LUC7L2: variants seen among roughly 807,000 people sequenced by gnomAD.
LUC7L2 encodes the protein putative RNA-binding protein Luc7-like 2.
LUC7L2 carries 25 observed loss-of-function variants against 52.8 expected under a neutral mutation model. The ratio of observed to expected loss-of-function variants is 0.47; its 90% confidence interval spans 0.34 to 0.66. LUC7L2 has a LOEUF of 0.66. LUC7L2 is among the 30% of genes least tolerant of loss of function. The pLI is 0.01. For missense variants in LUC7L2, 328 were observed against 497.8 expected (o/e 0.66, Z 3.25); for synonymous variants, 144 against 160.9 (o/e 0.89, Z 0.80).
At chr7:139,379,549 CTTTTTTTTTTTTTTTTTTT>C (rs539771697) in intron 2 of LUC7L2, among the ~76,000 whole-genome samples, 37 of 52,720 alleles carry the variant, frequency 7.0e-4, no homozygotes, top group African/African-American at 1.7e-3. Flanking sequence ...ATAACTAATG[CTTTTTTTTTTTTTTTTTTT>C]TTTTTTTTTT....
At position 139,359,962 on chromosome 7, in the gene LUC7L2, G is replaced by C; in HGVS notation, c.-300G>C. On this transcript the variant is annotated 5_prime_UTR_variant, in exon 1 of 10. Transcript: ENST00000354926. ...GAGGGGGGGTTGACGGCTTCTGGCG[G>C]GTGGCGGTGTTGAAGGCGAGAGCTT... is the stretch of plus-strand genomic sequence containing the variant. 2.3e-6 allele frequency: 1 copy of C among 426,840 alleles called. No homozygotes were observed. The highest frequency in any genetic ancestry group is 4.1e-6 in the Non-Finnish European group (1 of 241,014). 26.4% of individuals were successfully genotyped at this position (426,840 alleles called of 1,614,324 possible).
At chr7:139,361,890 A>G (rs1259229028) in intron 1 of LUC7L2, among the ~76,000 whole-genome samples, 3 of 152,190 alleles carry the variant, frequency 2.0e-5, no homozygotes, top group Non-Finnish European at 4.4e-5. Context: ...CTTGATGGAT[A>G]CCATTTTTGG....
intron 7 of LUC7L2, among the ~76,000 whole-genome samples, chr7:139,411,606 A>G (rs567958324): frequency 6.6e-6 from 1 of 152,284 alleles, no homozygotes; most frequent in African/African-American, 2.4e-5. Flanking sequence ...CATGCTTTCA[A>G]CAATGCTATA....
intron 2 of LUC7L2, among the ~76,000 whole-genome samples, chr7:139,378,599 A>G (rs1569374897): frequency 6.6e-6 from 1 of 152,298 alleles, no homozygotes; most frequent in East Asian, 1.9e-4. Context: ...AGAAAAATCA[A>G]CAGTTACAAT....
chr7:139,409,566 G>C lies in LUC7L2; in HGVS notation c.691G>C (p.Val231Leu), dbSNP rs1485459349. Residue 231 changes from valine (V) to leucine (L), a missense_variant, in exon 7 of 10, where the codon GTC becomes CTC. Val to Leu is a conservative substitution (Grantham distance 32). Around this residue, in one of 2 missense-constraint regions of LUC7L2, gnomAD observed 195 missense variants for 223.3 expected, o/e 0.87. Transcript: ENST00000354926. ...IREKLEELKR[V>L]VAEKQEKRNQ... ...CTCATTTATTACTGTTTTTAAGAGA[G>C]TCGTAGCTGAGAAGCAGGAGAAAAG... 3.7e-6 allele frequency: 6 copies of C among 1,607,708 alleles called. No individual in the cohort carries two copies. The highest frequency in any genetic ancestry group is 4.2e-6 in the Non-Finnish European group (5 of 1,176,730).
intron 1 of LUC7L2, among the ~76,000 whole-genome samples, chr7:139,350,956 G>A (rs565877024): frequency 2.0e-3 from 300 of 152,252 alleles, no homozygotes; most frequent in Non-Finnish European, 2.9e-3. Flanking sequence ...TTACAGGTGT[G>A]AGCCACTGCG....
Position 139,346,648 on chromosome 7 carries a change from ACT to A in LUC7L2, c.-26+6136_-26+6137del, listed in dbSNP as rs1215833500. On this transcript the variant is annotated intron_variant, in intron 1 of 10. Coordinates refer to the LUC7L2 transcript ENST00000541170. ...CCTGAACCAGAATAGGTTACGAGAGACTCTCTACTAGAGAGTTCTAACCTCCC... is the reference window on the plus strand; with the variant it reads ...CCTGAACCAGAATAGGTTACGAGAGACTCTACTAGAGAGTTCTAACCTCCC... Among the ~76,000 whole-genome samples the A allele has an allele frequency of 4.6e-5, 7 of 151,864 alleles. No individual in the cohort carries two copies. The East Asian group carries it at 1.2e-3, about 25-fold the overall frequency.
At chr7:139,398,798 C>G in intron 3 of LUC7L2, 101 bp downstream of exon 3, 1 of 1,078,564 alleles carries the variant, frequency 9.3e-7, no homozygotes, top group Non-Finnish European at 1.3e-6. Flanking sequence ...AGCAGTTTAT[C>G]CTCTGGTTAT....
At chr7:139,345,796 G>T in intron 1 of LUC7L2, 1 of 1,349,320 alleles carries the variant, frequency 7.4e-7, no homozygotes, top group Non-Finnish European at 9.8e-7. Context: ...TTAAGTTTAA[G>T]GTTTTTCTCT....
At chr7:139,405,526 A>G (rs1472520224) in intron 4 of LUC7L2, 118 bp from the exon 5 acceptor site, 7 of 1,289,026 alleles carry the variant, frequency 5.4e-6, no homozygotes, top group East Asian at 2.7e-5. Context: ...CTCAGAAAGC[A>G]TTCTTTAACC....
intron 8 of LUC7L2, among the ~76,000 whole-genome samples, chr7:139,414,291 G>C (rs10261557): frequency 0.38 from 58,416 of 152,142 alleles, 15,639 homozygotes; most frequent in African/African-American, 0.76. Flanking sequence ...ATAGGGTGAC[G>C]GTGTGGCCTG....
chr7:139,406,206 C>T (rs1331348146), intron 5 of LUC7L2, among the ~76,000 whole-genome samples: 1 of 152,048 alleles, frequency 6.6e-6, no homozygotes, highest in Non-Finnish European at 1.5e-5. Context: ...CCCATGCCAC[C>T]ACACCTGGCT....
At chr7:139,374,293 A>G (rs1030643200) in intron 1 of LUC7L2, 5 of 818,384 alleles carry the variant, frequency 6.1e-6, no homozygotes, top group African/African-American at 5.2e-5. Flanking sequence ...GTTTTTATAT[A>G]AAAGAATCTT....
At chr7:139,365,083 T>C (rs1800086508) in intron 1 of LUC7L2, among the ~76,000 whole-genome samples, 1 of 152,248 alleles carries the variant, frequency 6.6e-6, no homozygotes, top group Admixed American at 6.5e-5. Context: ...CAGTTAACTA[T>C]TTAACTTTAT....
At chr7:139,368,982 T>G (rs1055784370) in intron 1 of LUC7L2, among the ~76,000 whole-genome samples, 4 of 152,168 alleles carry the variant, frequency 2.6e-5, no homozygotes, top group African/African-American at 9.7e-5. Context: ...TCCCTTGATA[T>G]TTTCATCTTT....
upstream of LUC7L2, chr7:139,359,531 C>T (rs972169604): frequency 7.3e-6 from 2 of 274,016 alleles, no homozygotes; most frequent in Non-Finnish European, 1.4e-5. Context: ...GGAGGCTGAC[C>T]GCAGTCCGGT....
At chr7:139,400,794 A>G (rs933901243) in intron 3 of LUC7L2, among the ~76,000 whole-genome samples, 2 of 152,174 alleles carry the variant, frequency 1.3e-5, no homozygotes, top group African/African-American at 4.8e-5. Context: ...ACATAAGGAA[A>G]TTTGAATAGA....
intron 9 of LUC7L2, among the ~76,000 whole-genome samples, chr7:139,421,213 G>A (rs1364510323): frequency 6.6e-6 from 1 of 152,136 alleles, no homozygotes; most frequent in Non-Finnish European, 1.5e-5. Context: ...AAACTGAACA[G>A]TCATATTTTT....
intron 6 of LUC7L2, 66 bp downstream of exon 6, chr7:139,407,416 G>A (rs1037856805): frequency 1.1e-5 from 17 of 1,503,710 alleles, no homozygotes; most frequent in African/African-American, 2.8e-5. Context: ...TTGCCTTTTT[G>A]TACAATATTC....
Sources: gnomAD v4.1 joint callset for allele counts (sites outside exome capture counted in the v4.1 genomes callset) on GRCh38, gnomAD v4.1.1 for gene constraint, gnomAD v4.1.1 regional missense constraint, MANE v1.5 for transcripts, NCBI Gene and HGNC (gene_info 2026-07-23, HGNC 2026-07-21) for gene names.